MTUS2: variants seen among roughly 807,000 people sequenced by gnomAD.
MTUS2 encodes microtubule associated scaffold protein 2.
Under a neutral mutation model 114.1 loss-of-function variants are expected in MTUS2, and 40 were observed. That is an observed-to-expected ratio of 0.35 (90% CI 0.27 to 0.46). MTUS2 has a LOEUF of 0.46. Among genes scored for constraint, MTUS2 ranks in the 20% least tolerant of loss-of-function variants. The pLI is 1.00. For missense variants in MTUS2, 1,679 were observed against 1,705.4 expected, an observed-to-expected ratio of 0.98 and a Z score of 0.27; for synonymous variants, 688 against 672.0, an observed-to-expected ratio of 1.02 and a Z score of -0.37.
Position 29,281,856 on chromosome 13 carries a change from A to G in MTUS2, c.2797A>G (p.Thr933Ala). Residue 933 changes from threonine to alanine, a missense_variant, in exon 6 of 16, where the codon ACA becomes GCA. By Grantham distance (58) the Thr-to-Ala change is moderately conservative. Around this residue, in one of 3 missense-constraint regions of MTUS2, gnomAD observed 822 missense variants for 899.7 expected, o/e 0.91. Coordinates refer to ENST00000612955, the MANE Select transcript of MTUS2 (RefSeq NM_001033602.4). ...ACTTCCAGCGCCAAAATCCACTTCC[A>G]CACCCGCTGGTAAGACTTTGTGCCT... Reference protein sequence around the residue: ...SLLPAPKSTSTPAGTKKDAQK... With the variant: ...SLLPAPKSTSAPAGTKKDAQK... 6.3e-7 allele frequency: 1 copy of G among 1,596,880 alleles called. No homozygotes were observed. Among genetic ancestry groups the G allele is most frequent in the Non-Finnish European group, 8.6e-7 (1 of 1,168,958 alleles).
At chr13:29,070,608 G>T (rs1888872910) in intron 4 of MTUS2, among the ~76,000 whole-genome samples, 6 of 151,980 alleles carry the variant, frequency 3.9e-5, no homozygotes. Context: ...GTGTGGATGT[G>T]TGTATATGCT....
chr13:28,916,151 T>A (rs1454412525), intron 2 of MTUS2, among the ~76,000 whole-genome samples: 1 of 151,974 alleles, frequency 6.6e-6, no homozygotes, highest in Non-Finnish European at 1.5e-5. Context: ...ATTCCATTGG[T>A]CTATGTGTCT....
At chr13:29,331,217 T>C (rs1900763640) in intron 7 of MTUS2, among the ~76,000 whole-genome samples, 1 of 152,220 alleles carries the variant, frequency 6.6e-6, no homozygotes, top group Non-Finnish European at 1.5e-5. Flanking sequence ...GGGAGTTCAC[T>C]CATGATTTGG....
intron 8 of MTUS2, among the ~76,000 whole-genome samples, chr13:29,383,246 G>GTA (rs1291436254): frequency 1.8e-5 from 1 of 55,178 alleles, no homozygotes. Context: ...GTGTGTGTGT[G>GTA]TGTGTGTATT....
At chr13:29,104,448 C>T (rs568054858) in intron 5 of MTUS2, among the ~76,000 whole-genome samples, 1 of 152,296 alleles carries the variant, frequency 6.6e-6, no homozygotes, top group African/African-American at 2.4e-5. Context: ...TCAGAGCTGA[C>T]TTGAGAGGCC....
chr13:29,501,576 G>A (rs952007029), intron 15 of MTUS2, among the ~76,000 whole-genome samples: 2 of 152,162 alleles, frequency 1.3e-5, no homozygotes, highest in Admixed American at 6.5e-5. Flanking sequence ...TCCAGGTCTC[G>A]CCTGTCCCTG....
At chr13:28,902,793 TTGTC>T (rs1333202404) in intron 2 of MTUS2, among the ~76,000 whole-genome samples, 1 of 152,156 alleles carries the variant, frequency 6.6e-6, no homozygotes, top group Non-Finnish European at 1.5e-5. Flanking sequence ...TGTATTATCT[TTGTC>T]TGGTTTGGTC....
intron 6 of MTUS2, among the ~76,000 whole-genome samples, chr13:29,323,759 AGTGAGGTCTCAGGGTTTGGGG>A (rs370692348): frequency 1.9e-4 from 29 of 152,296 alleles, no homozygotes; most frequent in African/African-American, 7.0e-4. Flanking sequence ...TGGAAGGAAG[AGTGAGGTCTCAGGGTTTGGGG>A]GTGAGCATGG....
rs576474084 is a variant in MTUS2 at position 28,893,115 on chromosome 13, T to C, written c.-243+53265T>C. Reference sequence around the variant, plus strand: ...TTCAGGTGTATATGGAGGTTCTTACTGCAAGTGGAGAAGTTTGGACTTTCT... The same window carrying C: ...TTCAGGTGTATATGGAGGTTCTTACCGCAAGTGGAGAAGTTTGGACTTTCT... On this transcript the variant is annotated intron_variant, in intron 2 of 15. Transcript: ENST00000612955. Among the ~76,000 whole-genome samples the C allele has an allele frequency of 9.8e-5, 15 of 152,296 alleles. No individual in the cohort carries two copies. The South Asian group carries it at 2.1e-3, about 21-fold the overall frequency.
At chr13:28,952,580 C>T (rs1593327988) in intron 2 of MTUS2, among the ~76,000 whole-genome samples, 1 of 152,160 alleles carries the variant, frequency 6.6e-6, no homozygotes, top group African/African-American at 2.4e-5. Flanking sequence ...TGGTAACCCA[C>T]GTGAATTACT....
intron 2 of MTUS2, among the ~76,000 whole-genome samples, chr13:28,924,486 A>T (rs1029396621): frequency 6.6e-6 from 1 of 152,218 alleles, no homozygotes; most frequent in African/African-American, 2.4e-5. Context: ...TGTCTGGCCA[A>T]GGTCAAAGTC....
At chr13:29,098,493 A>C (rs9508273) in intron 4 of MTUS2, among the ~76,000 whole-genome samples, 18 of 121,170 alleles carry the variant, frequency 1.5e-4, no homozygotes, top group Admixed American at 9.0e-4. Flanking sequence ...CACACACACA[A>C]ACACACAGCC....
chr13:29,068,681 G>A (rs1474354672), intron 4 of MTUS2, among the ~76,000 whole-genome samples: 1 of 152,258 alleles, frequency 6.6e-6, no homozygotes, highest in African/African-American at 2.4e-5. Context: ...TAGTACGAAG[G>A]GCAAAGGATT....
chr13:29,024,632 A>T lies in MTUS2; in HGVS notation c.-67A>T. 1 of 1,554,196 alleles carries T rather than the reference A, an allele frequency of 6.4e-7. No homozygotes were observed. The highest frequency in any genetic ancestry group is 8.7e-7 in the Non-Finnish European group (1 of 1,150,412). ...GAGAATTTCCTCTTAATCTGATTGC[A>T]GCTTGAAGGCAGCCCATTTCCATTA... On this transcript the variant is annotated 5_prime_UTR_variant, in exon 3 of 16. Coordinates refer to ENST00000612955, the MANE Select transcript of MTUS2 (RefSeq NM_001033602.4).
At chr13:29,458,255 C>A (rs1879256160) in intron 9 of MTUS2, among the ~76,000 whole-genome samples, 8 of 152,160 alleles carry the variant, frequency 5.3e-5, no homozygotes, top group Admixed American at 3.3e-4. Context: ...TAAATCTCAG[C>A]ACTTAAAGAC....
intron 6 of MTUS2, among the ~76,000 whole-genome samples, chr13:29,300,832 T>C (rs181889206): frequency 9.0e-4 from 137 of 152,290 alleles, no homozygotes; most frequent in African/African-American, 3.2e-3. Flanking sequence ...TCCACAGGCT[T>C]TATCTTAGTC....
chr13:29,351,517 C>T (rs1331004125), intron 7 of MTUS2, among the ~76,000 whole-genome samples: 4 of 152,176 alleles, frequency 2.6e-5, no homozygotes, highest in Admixed American at 2.0e-4. Context: ...TCCCGGTTCC[C>T]GTGCTTACAA....
At chr13:28,820,786 T>G (rs973048284) in intron 1 of MTUS2, among the ~76,000 whole-genome samples, 175 bp downstream of exon 1, 2 of 152,192 alleles carry the variant, frequency 1.3e-5, no homozygotes, top group African/African-American at 2.4e-5. Flanking sequence ...CCACATCACC[T>G]GCTCTGGCTT....
intron 6 of MTUS2, chr13:29,307,182 G>T: frequency 1.9e-6 from 1 of 519,284 alleles, no homozygotes; most frequent in South Asian, 1.7e-5. Flanking sequence ...TGATGGGCGT[G>T]ACCCATGAGA....
Sources: gnomAD v4.1 joint callset for allele counts (sites outside exome capture counted in the v4.1 genomes callset) on GRCh38, gnomAD v4.1.1 for gene constraint, gnomAD v4.1.1 regional missense constraint, MANE v1.5 for transcripts, NCBI Gene and HGNC (gene_info 2026-07-23, HGNC 2026-07-21) for gene names.